Variants in C12orf56 observed in about 807,000 individuals in gnomAD.
The protein encoded by C12orf56 is uncharacterized protein C12orf56.
A neutral mutation model predicts 69.9 loss-of-function variants in C12orf56; 71 were observed. The observed-to-expected ratio is 1.02, with a 90% confidence interval of 0.84 to 1.24. The LOEUF (loss-of-function observed/expected upper bound fraction) is 1.24. Ranked by LOEUF, C12orf56 falls within the 50% of genes most tolerant of loss-of-function variation. The probability of loss-of-function intolerance (pLI) is 0.00; values close to 1 mark genes in which losing one functional copy is unlikely to be tolerated. For synonymous variants in C12orf56, 276 were observed against 274.1 expected (o/e 1.01, Z -0.07); for missense variants, 732 against 738.5 (o/e 0.99, Z 0.10).
At position 64,284,659 on chromosome 12, in the gene C12orf56, C is replaced by T. The variant is rs1450075601; in HGVS notation, c.1310+5G>A. ...AAGGTCCCAATGTCTTCTAAAAGACCTTACTTCTTAGCTGCCAATGTGTTC... is the reference window on the plus strand; with the variant it reads ...AAGGTCCCAATGTCTTCTAAAAGACTTTACTTCTTAGCTGCCAATGTGTTC... On this transcript the variant is annotated splice_donor_5th_base_variant and intron_variant, in intron 8 of 12. Transcript: ENST00000543942. 3 of 1,601,400 alleles carry T rather than the reference C, an allele frequency of 1.9e-6. No homozygotes were observed. Among genetic ancestry groups the T allele is most frequent in the Non-Finnish European group, 1.7e-6 (2 of 1,174,672 alleles).
At chr12:64,343,575 T>C (rs1426142549) in intron 2 of C12orf56, among the ~76,000 whole-genome samples, 1 of 152,224 alleles carries the variant, frequency 6.6e-6, no homozygotes, top group Non-Finnish European at 1.5e-5. Context: ...TGTGTTAATT[T>C]GCTCAAGCAA....
chr12:64,381,728 T>C (rs927678935), intron 1 of C12orf56, among the ~76,000 whole-genome samples: 6 of 152,146 alleles, frequency 3.9e-5, no homozygotes, highest in African/African-American at 1.2e-4. Flanking sequence ...GTTAAGAAAC[T>C]GGACAGGGGG....
chr12:64,304,968 C>T (rs1181386401), intron 5 of C12orf56, among the ~76,000 whole-genome samples: 2 of 152,064 alleles, frequency 1.3e-5, no homozygotes, highest in Admixed American at 1.3e-4. Flanking sequence ...ACATTTTTTA[C>T]CACTTACTCC....
At chr12:64,330,183 A>G (rs969489802) in intron 3 of C12orf56, among the ~76,000 whole-genome samples, 6 of 152,082 alleles carry the variant, frequency 3.9e-5, no homozygotes, top group African/African-American at 1.4e-4. Context: ...CCTCTCCAGC[A>G]CCTGTTGTAA....
At chr12:64,306,508 A>G (rs2038514808) in intron 5 of C12orf56, among the ~76,000 whole-genome samples, 1 of 151,066 alleles carries the variant, frequency 6.6e-6, no homozygotes, top group Admixed American at 6.6e-5. Context: ...AGCTGGGACT[A>G]CAAGTGCGTA....
intron 4 of C12orf56, among the ~76,000 whole-genome samples, chr12:64,315,507 GAA>G (rs2038680955): frequency 6.6e-6 from 1 of 152,164 alleles, no homozygotes; most frequent in African/African-American, 2.4e-5. Flanking sequence ...TATTTTTGGT[GAA>G]AGTTACATAT....
intron 2 of C12orf56, among the ~76,000 whole-genome samples, chr12:64,344,971 C>G (rs2039121325): frequency 1.3e-5 from 2 of 152,136 alleles, no homozygotes; most frequent in Non-Finnish European, 2.9e-5. Context: ...AACGCAGAGT[C>G]CCTACTTAGT....
At chr12:64,325,442 A>ATTAGG (rs1481700985) in intron 3 of C12orf56, among the ~76,000 whole-genome samples, 1 of 152,152 alleles carries the variant, frequency 6.6e-6, no homozygotes, top group African/African-American at 2.4e-5. Flanking sequence ...TGATAAGTAA[A>ATTAGG]TTCAAGCCCC....
At chr12:64,286,644 T>TA (rs2038205703) in intron 6 of C12orf56, among the ~76,000 whole-genome samples, 1 of 152,170 alleles carries the variant, frequency 6.6e-6, no homozygotes, top group East Asian at 1.9e-4. Context: ...TCCAGTCTCA[T>TA]GAGAAATCAA....
intron 9 of C12orf56, 67 bp from the exon 10 acceptor site, chr12:64,275,439 T>G: frequency 8.4e-6 from 6 of 710,216 alleles, no homozygotes; most frequent in Non-Finnish European, 1.1e-5. Flanking sequence ...TTTCCCATGG[T>G]TCCCTTTAGG....
At chr12:64,338,733 G>T in intron 2 of C12orf56, 1 of 1,493,392 alleles carries the variant, frequency 6.7e-7, no homozygotes, top group Non-Finnish European at 9.3e-7. Context: ...TTGGCTTCTT[G>T]TTCAATGAAA....
At chr12:64,281,920 A>G (rs1325058083) in intron 8 of C12orf56, among the ~76,000 whole-genome samples, 1 of 152,256 alleles carries the variant, frequency 6.6e-6, no homozygotes, top group Non-Finnish European at 1.5e-5. Context: ...ACTTGGAAAC[A>G]GAAAGGTAGA....
At chr12:64,341,025 G>C in intron 2 of C12orf56, among the ~76,000 whole-genome samples, 1 of 152,216 alleles carries the variant, frequency 6.6e-6, no homozygotes. Context: ...TTGTGGAGTT[G>C]TAGACTGATT....
chr12:64,314,733 C>T (rs2038667684), intron 4 of C12orf56, among the ~76,000 whole-genome samples: 1 of 151,748 alleles, frequency 6.6e-6, no homozygotes, highest in Admixed American at 6.6e-5. Flanking sequence ...CTCCCAGGTT[C>T]AAGCGATTCT....
chr12:64,308,963 GAAAGAAAGA>G (rs1401330350), intron 5 of C12orf56, among the ~76,000 whole-genome samples: 4 of 118,502 alleles, frequency 3.4e-5, no homozygotes, highest in East Asian at 2.4e-4. Context: ...AAGAAAGAAA[GAAAGAAAGA>G]AAAGAAAGAA....
chr12:64,384,129 T>C (rs1270751235), intron 1 of C12orf56, among the ~76,000 whole-genome samples: 1 of 152,198 alleles, frequency 6.6e-6, no homozygotes, highest in Non-Finnish European at 1.5e-5. Flanking sequence ...ATTTCATAGA[T>C]GAAGGAACTG....
intron 1 of C12orf56, among the ~76,000 whole-genome samples, chr12:64,354,895 A>G (rs939743219): frequency 2.7e-5 from 4 of 150,910 alleles, no homozygotes; most frequent in African/African-American, 9.7e-5. Context: ...CCTGACCAAC[A>G]TGGTGAAACC....
rs373293302 is a variant in C12orf56, at chr12:64,326,282, A to G, written c.488+4678T>C. Among the ~76,000 whole-genome samples the G allele has an allele frequency of 1.1e-3, 169 of 152,314 alleles. 1 individual carries two copies. Among genetic ancestry groups the G allele is most frequent in the African/African-American group, 3.8e-3 (160 of 41,566 alleles). On this transcript the variant is annotated intron_variant, in intron 3 of 12. Transcript: ENST00000543942. ...TGGGGAGATATATATGATAAAACAT[A>G]CATGCACAGTTTATTGTGTGTCAAT... is the stretch of plus-strand genomic sequence containing the variant.
At chr12:64,386,398 A>ATATATATTT (rs752756817) in intron 1 of C12orf56, among the ~76,000 whole-genome samples, 30 of 87,342 alleles carry the variant, frequency 3.4e-4, no homozygotes, top group African/African-American at 8.5e-4. Flanking sequence ...ATATATATAT[A>ATATATATTT]TTTTTTTTTT....
Sources: allele counts gnomAD v4.1 joint callset (sites outside exome capture counted in the v4.1 genomes callset), GRCh38; gene constraint gnomAD v4.1.1; transcripts MANE v1.5; gene names NCBI Gene and HGNC (gene_info 2026-07-23, HGNC 2026-07-21).